SMG5: variants seen among roughly 807,000 people sequenced by gnomAD.
SMG5 encodes the protein SMG5 nonsense mediated mRNA decay factor, also known as nonsense-mediated mRNA decay factor SMG5.
SMG5 carries 53 observed loss-of-function variants against 122.9 expected under a neutral mutation model. The observed-to-expected ratio is 0.43, with a 90% CI of 0.35 to 0.54. SMG5 has a LOEUF of 0.54. Among genes scored for constraint, SMG5 ranks in the 20% least tolerant of loss-of-function variants. SMG5 has a pLI of 0.01. For synonymous variants in SMG5, 477 were observed against 490.2 expected (o/e 0.97, Z 0.35); for missense variants, 1,153 against 1,285.6 (o/e 0.90, Z 1.58).
chr1:156,290,019 TCTTA>T, the SMG5 span: 3 of 152,198 alleles, frequency 2.0e-5, no homozygotes, highest in Non-Finnish European at 4.4e-5. Context: ...CTTGGACCAG[TCTTA>T]CTTAACCCTT....
intron 16 of SMG5, chr1:156,253,876 A>C (rs1572572390): frequency 6.9e-6 from 2 of 291,790 alleles, no homozygotes; most frequent in Non-Finnish European, 1.4e-5. Flanking sequence ...CTCACCTTCT[A>C]CCCCCATCCA....
chr1:156,252,384 T>G, intron 19 of SMG5, 30 bp downstream of exon 19: 1 of 1,607,358 alleles, frequency 6.2e-7, no homozygotes, highest in African/African-American at 1.3e-5. Flanking sequence ...GACCCAGGGC[T>G]CAGCACAGGT....
chr1:156,279,955 A>G (rs1662857375), intron 1 of SMG5, among the ~76,000 whole-genome samples: 2 of 152,166 alleles, frequency 1.3e-5, no homozygotes, highest in Admixed American at 6.5e-5. Context: ...CTTACGTCTC[A>G]CTTCACCCAA....
At chr1:156,289,053 T>C in the SMG5 span, among the ~76,000 whole-genome samples, 1 of 152,356 alleles carries the variant, frequency 6.6e-6, no homozygotes, top group Middle Eastern at 3.4e-3. Context: ...TTTCCTCTCT[T>C]ATCCAGGGTC....
intron 13 of SMG5, among the ~76,000 whole-genome samples, chr1:156,262,837 T>C (rs552291689): frequency 1.4e-5 from 2 of 143,236 alleles, no homozygotes; most frequent in South Asian, 2.4e-4. Context: ...GAAGAAAACA[T>C]TGAATAAATG....
In SMG5 at chr1:156,259,130, C is replaced by A; in HGVS notation, c.2317G>T (p.Gly773Cys). 6.2e-7 allele frequency: 1 copy of A among 1,602,418 alleles called. No individual in the cohort carries two copies. The highest frequency in any genetic ancestry group is 1.1e-5 in the South Asian group (1 of 89,296). The change falls in exon 16 of 22, where the codon GGT becomes TGT. Residue 773 changes from glycine (G) to cysteine (C), a missense_variant. Gly to Cys is a radical substitution (Grantham distance 159, BLOSUM62 -3). Around this residue, in one of 5 missense-constraint regions of SMG5, gnomAD observed 631 missense variants for 650.6 expected, o/e 0.97. Coordinates refer to ENST00000361813, the MANE Select transcript of SMG5 (RefSeq NM_015327.3). ...CCTTGCAGGCGGGCGATGAAATGAC[C>A]AAAGCTGCGGATGCAGCAGATGCGC... ...VVRICCIRSF[G>C]HFIARLQGSI...
At chr1:156,258,417 C>T (rs1425806997) in intron 16 of SMG5, among the ~76,000 whole-genome samples, 1 of 152,226 alleles carries the variant, frequency 6.6e-6, no homozygotes, top group Non-Finnish European at 1.5e-5. Flanking sequence ...AAGTGACTTG[C>T]TCAATTCATA....
At chr1:156,256,646 T>C (rs1366384287) in intron 16 of SMG5, among the ~76,000 whole-genome samples, 2 of 152,058 alleles carry the variant, frequency 1.3e-5, no homozygotes, top group East Asian at 1.9e-4. Flanking sequence ...TGTGCTAATA[T>C]GAGGCTCTGA....
At chr1:156,265,080 G>A (rs1214996351) in intron 12 of SMG5, among the ~76,000 whole-genome samples, 6 of 107,976 alleles carry the variant, frequency 5.6e-5, no homozygotes, top group Non-Finnish European at 1.2e-4. Context: ...CACAAAAGCC[G>A]GGCATGGTAG....
the SMG5 span, chr1:156,290,337 T>G: frequency 6.6e-6 from 1 of 152,412 alleles, no homozygotes; most frequent in Non-Finnish European, 1.5e-5. Context: ...TCTTTTCTTC[T>G]TTCTCCAAGA....
chr1:156,250,701 G>T, intron 21 of SMG5, 31 bp from the exon 22 acceptor site: 1 of 1,610,420 alleles, frequency 6.2e-7, no homozygotes, highest in South Asian at 1.1e-5. Flanking sequence ...AGATGGAGAG[G>T]GTCTGACCTC....
chr1:156,250,999 G>A lies in SMG5; in HGVS notation c.2829-3C>T, dbSNP rs1221207440. On this transcript the variant is annotated splice_polypyrimidine_tract_variant and splice_region_variant and intron_variant, in intron 20 of 21. Coordinates refer to ENST00000361813, the MANE Select transcript of SMG5 (RefSeq NM_015327.3). ...TGTCTAGGATCTTATAGAGAGTCCT[G>A]GGGATGGGGGGCAGAGGGGAAGATG... The A allele has an allele frequency of 2.5e-6, 4 of 1,612,496 alleles. No homozygotes were observed. The highest frequency in any genetic ancestry group is 1.3e-5 in the African/African-American group (1 of 74,890).
intron 12 of SMG5, among the ~76,000 whole-genome samples, chr1:156,264,293 A>AAAAAG (rs1662013208): frequency 6.6e-6 from 1 of 150,488 alleles, no homozygotes. Context: ...AAAAAAAAAA[A>AAAAAG]GAGTTACTTT....
chr1:156,278,149 A>C, intron 2 of SMG5, 101 bp from the exon 3 acceptor site: 9 of 1,443,500 alleles, frequency 6.2e-6, no homozygotes, highest in South Asian at 1.3e-5. Context: ...CCACCAACAA[A>C]TCTCGGTGCT....
chr1:156,277,302 C>T, intron 3 of SMG5, 61 bp from the exon 4 acceptor site: 1 of 1,543,532 alleles, frequency 6.5e-7, no homozygotes, highest in Non-Finnish European at 8.8e-7. Flanking sequence ...CACTCACCCT[C>T]CCTTACCCTG....
At chr1:156,263,218 A>C (rs914996066) in intron 13 of SMG5, among the ~76,000 whole-genome samples, 177 bp downstream of exon 13, 1 of 152,266 alleles carries the variant, frequency 6.6e-6, no homozygotes, top group African/African-American at 2.4e-5. Flanking sequence ...TGTGAGGGCC[A>C]AGATCATGCC....
chr1:156,270,896 A>G (rs576539585), intron 7 of SMG5, among the ~76,000 whole-genome samples: 1 of 151,984 alleles, frequency 6.6e-6, no homozygotes, highest in South Asian at 2.1e-4. Flanking sequence ...AATCCTAGCT[A>G]CTCGAGAGGC....
chr1:156,250,324 G>A lies in SMG5; in HGVS notation c.*263C>T, dbSNP rs369581637. On this transcript the variant is annotated 3_prime_UTR_variant, in exon 22 of 22. Transcript: ENST00000361813. The stretch of plus-strand genomic sequence containing the variant: ...TGCCCCTGGAGACAGCAGGGGAGCT[G>A]AGGCAGGAAGGCTGGCCAGGGGCCC... 491 of 484,488 alleles carry A rather than the reference G, an allele frequency of 1.0e-3. 8 individuals are homozygous for A. Among genetic ancestry groups the A allele is most frequent in the South Asian group, 0.01 (404 of 40,136 alleles). The allele number at this position is 484,488 out of a possible 1,614,324, so 30.0% of individuals were successfully genotyped here.
chr1:156,283,006 C>A (rs1663042152), upstream of SMG5: 2 of 508,552 alleles, frequency 3.9e-6, no homozygotes, highest in Non-Finnish European at 3.5e-6. Flanking sequence ...ATTGGCAAAG[C>A]TATCAGAGAA....
Sources: gnomAD v4.1 joint callset for allele counts (sites outside exome capture counted in the v4.1 genomes callset) on GRCh38, gnomAD v4.1.1 for gene constraint, gnomAD v4.1.1 regional missense constraint, MANE v1.5 for transcripts, NCBI Gene and HGNC (gene_info 2026-07-23, HGNC 2026-07-21) for gene names.